KLHL8: variants seen among roughly 807,000 people sequenced by gnomAD.
KLHL8 encodes the protein kelch like family member 8, also known as kelch-like protein 8.
Under a neutral mutation model 63.5 loss-of-function variants are expected in KLHL8, and 38 were observed. The ratio of observed to expected loss-of-function variants is 0.60; its 90% CI spans 0.46 to 0.78. KLHL8 has a LOEUF of 0.78. Ranked by LOEUF, KLHL8 falls within the 30% of genes least tolerant of loss-of-function variation. The pLI is 0.00. For synonymous variants in KLHL8, 224 were observed against 254.3 expected, an observed-to-expected ratio of 0.88 and a Z score of 1.13; for missense variants, 566 against 752.4, an observed-to-expected ratio of 0.75 and a Z score of 2.90.
At chr4:87,237,964 C>T (rs930127211) in intron 1 of KLHL8, among the ~76,000 whole-genome samples, 1 of 152,004 alleles carries the variant, frequency 6.6e-6, no homozygotes, top group Non-Finnish European at 1.5e-5. Context: ...AAGACGGAGT[C>T]TTGCTGTGTC....
At chr4:87,168,686 G>A (rs1343436060) in intron 8 of KLHL8, among the ~76,000 whole-genome samples, 2 of 145,396 alleles carry the variant, frequency 1.4e-5, no homozygotes, top group Admixed American at 6.9e-5. Flanking sequence ...ATATATGTGT[G>A]TATATATATA....
intron 1 of KLHL8, among the ~76,000 whole-genome samples, chr4:87,238,877 C>T (rs1733281061): frequency 6.6e-6 from 1 of 152,198 alleles, no homozygotes; most frequent in Admixed American, 6.5e-5. Flanking sequence ...ATTTTTCATG[C>T]TATCTGCCTA....
At chr4:87,217,728 A>G (rs896936995) in intron 1 of KLHL8, among the ~76,000 whole-genome samples, 1 of 150,562 alleles carries the variant, frequency 6.6e-6, no homozygotes, top group Non-Finnish European at 1.5e-5. Context: ...GGCTCAAGCA[A>G]TCCTCCTGCC....
chr4:87,195,458 T>C lies in KLHL8; in HGVS notation c.82A>G (p.Lys28Glu), dbSNP rs1560706076. 6.2e-7 allele frequency: 1 copy of C among 1,613,988 alleles called. No homozygotes were observed. Among genetic ancestry groups the C allele is most frequent in the South Asian group, 1.1e-5 (1 of 91,080 alleles). ...GKRQQQHQQIKNRSSISDGDG... is the reference protein window; with the variant it reads ...GKRQQQHQQIENRSSISDGDG... ...CCATCACTAATTGAGGATCTGTTCT[T>C]TATTTGCTGGTGCTGTTGTTGCCTT... The change falls in exon 2 of 10, where the codon AAG (lysine) becomes GAG (glutamate). Residue 28 changes from lysine to glutamate, a missense_variant. Physicochemically the swap from Lys to Glu is moderately conservative, Grantham distance 56. Coordinates refer to ENST00000273963, the MANE Select transcript of KLHL8 (RefSeq NM_020803.5).
At chr4:87,236,411 G>C (rs900819503) in intron 1 of KLHL8, among the ~76,000 whole-genome samples, 6 of 151,762 alleles carry the variant, frequency 4.0e-5, no homozygotes, top group African/African-American at 1.5e-4. Context: ...ATTTCACTAT[G>C]TTGGCCACAC....
At chr4:87,166,253 T>C (rs575217168) in intron 8 of KLHL8, among the ~76,000 whole-genome samples, 1 of 152,344 alleles carries the variant, frequency 6.6e-6, no homozygotes, top group African/African-American at 2.4e-5. Flanking sequence ...TCTTCTTTAA[T>C]ACACATGAGC....
intron 8 of KLHL8, 76 bp from the exon 9 acceptor site, chr4:87,164,155 T>G: frequency 7.8e-7 from 1 of 1,280,148 alleles, no homozygotes; most frequent in Non-Finnish European, 1.1e-6. Flanking sequence ...CAATGGCTTT[T>G]ACAACCCAAT....
chr4:87,180,320 C>T lies in KLHL8; in HGVS notation c.953-1700G>A, dbSNP rs1731001960. 2.6e-5 allele frequency among the ~76,000 whole-genome samples: 4 copies of T among 152,340 alleles called. No individual in the cohort carries two copies. The South Asian group carries it at 8.3e-4, about 32-fold the overall frequency. ...GGACTAGCACAGTACCTGCCATGTA[C>T]TAGGCATTCAATAATTGTAAAATGA... On this transcript the variant is annotated intron_variant, in intron 4 of 9. Transcript: ENST00000273963.
chr4:87,177,562 A>G (rs527298918), intron 5 of KLHL8, among the ~76,000 whole-genome samples: 47 of 151,382 alleles, frequency 3.1e-4, no homozygotes, highest in African/African-American at 8.5e-4. Flanking sequence ...TAAACTGTGC[A>G]CACACACACA....
chr4:87,180,607 G>A (rs187004876), intron 4 of KLHL8, among the ~76,000 whole-genome samples: 15 of 152,306 alleles, frequency 9.8e-5, no homozygotes, highest in Admixed American at 9.8e-4. Flanking sequence ...GTATGTGCCT[G>A]CATTTCTTAT....
At chr4:87,218,200 A>C (rs920297266) in intron 1 of KLHL8, among the ~76,000 whole-genome samples, 6 of 151,794 alleles carry the variant, frequency 4.0e-5, no homozygotes, top group African/African-American at 1.5e-4. Flanking sequence ...AAAAAAGAAA[A>C]TTCATTTTTC....
chr4:87,240,195 A>G (rs2110076244), intron 1 of KLHL8: 1 of 152,292 alleles, frequency 6.6e-6, no homozygotes, highest in South Asian at 2.1e-4. Context: ...TCTACTTCAC[A>G]GTCTTATTGC....
intron 1 of KLHL8, among the ~76,000 whole-genome samples, chr4:87,219,299 C>G (rs1167515673): frequency 6.6e-6 from 1 of 152,092 alleles, no homozygotes; most frequent in Non-Finnish European, 1.5e-5. Context: ...GGCCAGAACA[C>G]GAGAAAGATG....
At chr4:87,208,022 G>C in intron 1 of KLHL8, 1 of 683,828 alleles carries the variant, frequency 1.5e-6, no homozygotes, top group Non-Finnish European at 2.7e-6. Context: ...ATCATTTCTT[G>C]GTATAGCGAT....
intron 1 of KLHL8, among the ~76,000 whole-genome samples, chr4:87,204,806 G>C (rs1423367241): frequency 6.6e-6 from 1 of 152,166 alleles, no homozygotes; most frequent in Non-Finnish European, 1.5e-5. Context: ...CAGGGATGAG[G>C]GGCAGGGAAA....
intron 2 of KLHL8, among the ~76,000 whole-genome samples, chr4:87,188,360 A>G (rs967368698): frequency 1.3e-5 from 2 of 152,212 alleles, no homozygotes; most frequent in African/African-American, 4.8e-5. Context: ...CTTACATAAT[A>G]GTATCATAAA....
rs113390435 is a variant in KLHL8, at chr4:87,179,521, T to A, written c.953-901A>T. Among the ~76,000 whole-genome samples, 1,098 of 152,242 alleles carry A rather than the reference T, an allele frequency of 7.2e-3. 9 individuals are homozygous for A. The highest frequency in any genetic ancestry group is 0.025 in the African/African-American group (1,046 of 41,526). On this transcript the variant is annotated intron_variant, in intron 4 of 9. Coordinates refer to ENST00000273963, the MANE Select transcript of KLHL8 (RefSeq NM_020803.5). ...CAGGTGCAGTGGCTCATGCCTGTAA[T>A]CCCAGCATTTTGGGAGGCTGAGGCA...
At position 87,170,254 on chromosome 4, in the gene KLHL8, C is replaced by T. The variant is rs1398130442; in HGVS notation, c.1378-16G>A. 6.3e-7 allele frequency: 1 copy of T among 1,596,520 alleles called. No individual in the cohort carries two copies. The highest frequency in any genetic ancestry group is 8.5e-7 in the Non-Finnish European group (1 of 1,172,152). The stretch of plus-strand genomic sequence containing the variant: ...AAACATGGTTCTAAATGAAGAGAGT[C>T]AAACAAAACACATTAGATTTCGAAT... On this transcript the variant is annotated splice_polypyrimidine_tract_variant and intron_variant, in intron 7 of 9. Coordinates refer to ENST00000273963, the MANE Select transcript of KLHL8 (RefSeq NM_020803.5).
chr4:87,204,990 A>C (rs1349877724), intron 1 of KLHL8, among the ~76,000 whole-genome samples: 1 of 152,222 alleles, frequency 6.6e-6, no homozygotes, highest in South Asian at 2.1e-4. Flanking sequence ...TATATGATAA[A>C]AAATAAAATG....
Sources: gnomAD v4.1 joint callset for allele counts (sites outside exome capture counted in the v4.1 genomes callset) on GRCh38, gnomAD v4.1.1 for gene constraint, MANE v1.5 for transcripts, NCBI Gene and HGNC (gene_info 2026-07-23, HGNC 2026-07-21) for gene names.